The following SRPX variants were observed in gnomAD, a reference collection of about 807,000 sequenced individuals.
SRPX encodes sushi repeat containing protein X-linked, also known as sushi repeat-containing protein SRPX.
In SRPX, 24 loss-of-function variants were observed where a neutral mutation model predicts 38.1. That is an observed-to-expected ratio of 0.63 (90% CI 0.46 to 0.89). The LOEUF (loss-of-function observed/expected upper bound fraction) is 0.89, where lower values mean the gene tolerates loss of function less well. Among genes scored for constraint, SRPX ranks in the 40% least tolerant of loss-of-function variants. SRPX has a pLI of 0.00. For synonymous variants in SRPX, 184 were observed against 153.8 expected, an observed-to-expected ratio of 1.20 and a Z score of -1.45; for missense variants, 416 against 377.8, an observed-to-expected ratio of 1.10 and a Z score of -0.84.
chrX:38,202,786 T>C (rs1939136084), intron 1 of SRPX, among the ~76,000 whole-genome samples: 1 of 112,323 alleles, frequency 8.9e-6, no homozygotes, highest in Non-Finnish European at 1.9e-5. Flanking sequence ...TCACTCAAGA[T>C]GAATAGATAA....
chrX:38,209,205 G>A, intron 1 of SRPX, among the ~76,000 whole-genome samples: 1 of 110,118 alleles, frequency 9.1e-6, no homozygotes, highest in Middle Eastern at 4.6e-3. Context: ...ACATAGAAAT[G>A]GAAGTTGTCA....
intron 1 of SRPX, among the ~76,000 whole-genome samples, chrX:38,199,475 A>T (rs1211605370): frequency 9.0e-6 from 1 of 111,254 alleles, no homozygotes; most frequent in African/African-American, 3.3e-5. Context: ...CTCTGGGAAC[A>T]GCACAGGGTC....
chrX:38,186,127 A>G (rs1938778150), intron 1 of SRPX, among the ~76,000 whole-genome samples: 2 of 111,812 alleles, frequency 1.8e-5, no homozygotes, highest in Non-Finnish European at 3.8e-5. Flanking sequence ...GTCAAGTTAT[A>G]AAAAGACTGT....
At chrX:38,197,088 A>G in intron 1 of SRPX, among the ~76,000 whole-genome samples, 1 of 112,462 alleles carries the variant, frequency 8.9e-6, no homozygotes, top group African/African-American at 3.2e-5. Flanking sequence ...GGGCATCAAC[A>G]ATGTTGGCTA....
At chrX:38,154,083 G>A (rs1360156999) in intron 9 of SRPX, 1 of 136,017 alleles carries the variant, frequency 7.4e-6, no homozygotes, top group Non-Finnish European at 1.5e-5. Flanking sequence ...CTGGAAGCAT[G>A]GAGAAAAAAG....
intron 1 of SRPX, among the ~76,000 whole-genome samples, chrX:38,194,871 T>G (rs1442745772): frequency 5.7e-5 from 5 of 87,044 alleles, no homozygotes; most frequent in Admixed American, 5.0e-4. Context: ...TGGTTTTTTT[T>G]TTTTTTTTTT....
intron 1 of SRPX, among the ~76,000 whole-genome samples, chrX:38,202,872 A>C (rs1049914592): frequency 8.9e-6 from 1 of 112,520 alleles, no homozygotes. Context: ...AGAATTCTAC[A>C]GAATGTCTTC....
intron 8 of SRPX, among the ~76,000 whole-genome samples, chrX:38,155,625 A>G (rs1321377736): frequency 1.8e-5 from 2 of 112,626 alleles, no homozygotes; most frequent in Non-Finnish European, 3.7e-5. Flanking sequence ...GCTGTGTCCA[A>G]TAAAAGTTAA....
intron 5 of SRPX, among the ~76,000 whole-genome samples, chrX:38,163,322 A>G (rs1374194690): frequency 8.9e-6 from 1 of 112,125 alleles, no homozygotes; most frequent in Admixed American, 9.5e-5. Flanking sequence ...CATTGTGTAA[A>G]AATGTTTTGT....
chrX:38,198,439 G>A (rs1163920876), intron 1 of SRPX, among the ~76,000 whole-genome samples: 35 of 112,407 alleles, frequency 3.1e-4, no homozygotes, highest in Non-Finnish European at 1.5e-4. Flanking sequence ...TAGAAAATAA[G>A]CTACAGGCTA....
At chrX:38,193,224 C>A (rs1297409172) in intron 1 of SRPX, among the ~76,000 whole-genome samples, 1 of 111,255 alleles carries the variant, frequency 9.0e-6, no homozygotes, top group African/African-American at 3.3e-5. Context: ...TCACATGAAA[C>A]CTATCCAAAA....
At chrX:38,162,827 A>T (rs1193638287) in intron 5 of SRPX, among the ~76,000 whole-genome samples, 1 of 112,743 alleles carries the variant, frequency 8.9e-6, no homozygotes, top group Non-Finnish European at 1.9e-5. Context: ...AAATAAAAAA[A>T]TCAAATAAAA....
chrX:38,179,221 C>T (rs1938624095), intron 1 of SRPX, among the ~76,000 whole-genome samples: 1 of 112,153 alleles, frequency 8.9e-6, no homozygotes. Context: ...GCTGGGATTA[C>T]AGGCGTGAGC....
At chrX:38,219,829 T>G (rs1485862159) in intron 1 of SRPX, among the ~76,000 whole-genome samples, 6 of 112,598 alleles carry the variant, frequency 5.3e-5, no homozygotes, top group African/African-American at 1.9e-4. Context: ...TCCATGGATT[T>G]CCTCTCCATT....
chrX:38,192,670 G>C (rs886116791), intron 1 of SRPX, among the ~76,000 whole-genome samples: 1 of 112,583 alleles, frequency 8.9e-6, no homozygotes, highest in African/African-American at 3.2e-5. Flanking sequence ...GCTGCAACTT[G>C]TCAATACAGG....
At chrX:38,168,109 C>A (rs1019591284) in intron 4 of SRPX, among the ~76,000 whole-genome samples, 3 of 111,516 alleles carry the variant, frequency 2.7e-5, no homozygotes, top group Non-Finnish European at 5.6e-5. Context: ...AAATCCTTGA[C>A]ACATCTAACC....
At chrX:38,218,116 G>A (rs1045308828) in intron 1 of SRPX, among the ~76,000 whole-genome samples, 14 of 112,058 alleles carry the variant, frequency 1.2e-4, no homozygotes, top group African/African-American at 3.9e-4. Flanking sequence ...GATGTAGTCT[G>A]GTTTGGCTTT....
chrX:38,175,517 C>CT (rs1195953221), intron 2 of SRPX, among the ~76,000 whole-genome samples: 387 of 108,601 alleles, frequency 3.6e-3, no homozygotes, highest in African/African-American at 0.011. Flanking sequence ...AATACTTTCT[C>CT]TTTTTTTTTT....
At chrX:38,206,325 C>T (rs142933713) in intron 1 of SRPX, among the ~76,000 whole-genome samples, 63 of 112,298 alleles carry the variant, frequency 5.6e-4, no homozygotes, top group African/African-American at 2.0e-3. Context: ...CAGACAACAC[C>T]ATGTGAACCA....
Sources: allele counts gnomAD v4.1 joint callset (sites outside exome capture counted in the v4.1 genomes callset), GRCh38; gene constraint gnomAD v4.1.1; transcripts MANE v1.5; gene names NCBI Gene and HGNC (gene_info 2026-07-23, HGNC 2026-07-21).